Variants in OPALIN observed in about 807,000 individuals in gnomAD.
OPALIN encodes oligodendrocytic myelin paranodal and inner loop protein.
A neutral mutation model predicts 17.8 loss-of-function variants in OPALIN; 15 were observed. That is an observed-to-expected ratio of 0.84 (90% CI 0.56 to 1.29). The LOEUF (loss-of-function observed/expected upper bound fraction) is 1.29. Among genes scored for constraint, OPALIN ranks in the 50% most tolerant of loss-of-function variants. The pLI, the probability that OPALIN is intolerant of heterozygous loss-of-function variation, is 0.00. For synonymous variants in OPALIN, 62 were observed against 63.8 expected (o/e 0.97, Z 0.14); for missense variants, 170 against 176.0 (o/e 0.97, Z 0.19).
intron 3 of OPALIN, among the ~76,000 whole-genome samples, chr10:96,351,131 T>C (rs977441479): frequency 1.3e-5 from 2 of 152,202 alleles, no homozygotes; most frequent in Admixed American, 1.3e-4. Context: ...TTCAGCATAA[T>C]ATAGATGCAA....
At chr10:96,354,611 A>T (rs182978514) in intron 2 of OPALIN, among the ~76,000 whole-genome samples, 2 of 152,318 alleles carry the variant, frequency 1.3e-5, no homozygotes, top group East Asian at 3.9e-4. Flanking sequence ...TACAAAGGCA[A>T]CAAAAGTCAA....
chr10:96,345,901 T>C lies in OPALIN; in HGVS notation c.*40A>G, dbSNP rs1845292864. On this transcript the variant is annotated 3_prime_UTR_variant, in exon 6 of 6. Coordinates refer to ENST00000371172, the MANE Select transcript of OPALIN (RefSeq NM_033207.5). ...GTACAAAACCCTGGGTTTTCAACCCTGTTCCAGTGCCAGGTCTGCTGCTCC... is the reference window on the plus strand; with the variant it reads ...GTACAAAACCCTGGGTTTTCAACCCCGTTCCAGTGCCAGGTCTGCTGCTCC... 1 of 1,600,490 alleles carries C rather than the reference T, an allele frequency of 6.2e-7. No homozygotes were observed. The highest frequency in any genetic ancestry group is 1.1e-5 in the South Asian group (1 of 89,270).
chr10:96,350,546 T>A (rs1010814026), intron 3 of OPALIN, among the ~76,000 whole-genome samples: 53 of 152,312 alleles, frequency 3.5e-4, no homozygotes, highest in African/African-American at 1.1e-3. Flanking sequence ...ATTAAAAAAA[T>A]TTATTTGCAC....
chr10:96,346,428 T>G (rs995145628), intron 5 of OPALIN, among the ~76,000 whole-genome samples: 3 of 152,222 alleles, frequency 2.0e-5, no homozygotes, highest in Non-Finnish European at 2.9e-5. Flanking sequence ...GTTAATCTAT[T>G]TGTGTATTTA....
intron 1 of OPALIN, among the ~76,000 whole-genome samples, chr10:96,355,919 T>C (rs1452877088): frequency 6.6e-6 from 1 of 152,206 alleles, no homozygotes; most frequent in Non-Finnish European, 1.5e-5. Flanking sequence ...GGAGTCCAAA[T>C]TTAAAGATCG....
At chr10:96,353,336 G>C (rs1024973191) in intron 2 of OPALIN, 1 of 1,575,512 alleles carries the variant, frequency 6.3e-7, no homozygotes, top group African/African-American at 1.3e-5. Context: ...AGGGATCCAG[G>C]TGCCCACCTC....
At chr10:96,353,256 C>T (rs1698259037) in intron 2 of OPALIN, among the ~76,000 whole-genome samples, 1 of 152,212 alleles carries the variant, frequency 6.6e-6, no homozygotes, top group Non-Finnish European at 1.5e-5. Flanking sequence ...GACAAATAGA[C>T]TGAACCTGGC....
chr10:96,353,670 G>C (rs1236191524), intron 2 of OPALIN, among the ~76,000 whole-genome samples: 1 of 152,148 alleles, frequency 6.6e-6, no homozygotes, highest in Non-Finnish European at 1.5e-5. Context: ...ATGGCTTCTT[G>C]CTTCTCTGCA....
At chr10:96,353,565 G>C in intron 2 of OPALIN, 2 of 807,768 alleles carry the variant, frequency 2.5e-6, no homozygotes, top group Non-Finnish European at 4.4e-6. Flanking sequence ...ACAGTTCTCA[G>C]AGAAATGAGC....
At chr10:96,355,437 C>G in intron 1 of OPALIN, 147 bp from the exon 2 acceptor site, 1 of 642,246 alleles carries the variant, frequency 1.6e-6, no homozygotes, top group Non-Finnish European at 2.7e-6. Flanking sequence ...ACAGTCTTGG[C>G]CCCAAAAGAA....
chr10:96,357,261 T>C, intron 1 of OPALIN: 2 of 593,194 alleles, frequency 3.4e-6, no homozygotes, highest in Non-Finnish European at 4.2e-6. Flanking sequence ...GAAGAGGGGG[T>C]GCAGCAACAA....
At chr10:96,351,450 G>A in intron 2 of OPALIN, 40 bp from the exon 3 acceptor site, 2 of 1,357,590 alleles carry the variant, frequency 1.5e-6, no homozygotes, top group Non-Finnish European at 2.0e-6. Context: ...AGAACAAAAA[G>A]TCTATAGAAT....
At chr10:96,349,935 C>T (rs1195075422) in intron 3 of OPALIN, 109 bp from the exon 4 acceptor site, 9 of 1,181,980 alleles carry the variant, frequency 7.6e-6, no homozygotes, top group African/African-American at 1.5e-5. Context: ...GGATCATAAA[C>T]GTCATATACA....
intron 5 of OPALIN, among the ~76,000 whole-genome samples, chr10:96,346,625 T>A (rs938082794): frequency 3.9e-5 from 6 of 152,216 alleles, no homozygotes; most frequent in Non-Finnish European, 8.8e-5. Context: ...TGTGTCTTTT[T>A]AACTCTTTTT....
chr10:96,355,958 C>T (rs1167608486), intron 1 of OPALIN, among the ~76,000 whole-genome samples: 2 of 152,238 alleles, frequency 1.3e-5, no homozygotes, highest in Non-Finnish European at 2.9e-5. Flanking sequence ...AAGTAGCCTG[C>T]CCAGGGCCTC....
chr10:96,353,441 A>G, intron 2 of OPALIN: 1 of 1,613,370 alleles, frequency 6.2e-7, no homozygotes, highest in South Asian at 1.1e-5. Flanking sequence ...AGGCAGGATG[A>G]CCTACCATCC....
intron 5 of OPALIN, among the ~76,000 whole-genome samples, chr10:96,346,550 A>T (rs1239128096): frequency 6.6e-6 from 1 of 152,136 alleles, no homozygotes; most frequent in African/African-American, 2.4e-5. Flanking sequence ...TAATGTGATC[A>T]TTGATATGGT....
intron 2 of OPALIN, among the ~76,000 whole-genome samples, chr10:96,353,879 GA>G (rs1391787015): frequency 1.3e-5 from 2 of 152,198 alleles, no homozygotes; most frequent in Non-Finnish European, 2.9e-5. Context: ...GGGAGGTTCA[GA>G]AGTGCCCCCC....
At chr10:96,357,740 C>A (rs1472355845) in intron 1 of OPALIN, among the ~76,000 whole-genome samples, 1 of 152,110 alleles carries the variant, frequency 6.6e-6, no homozygotes, top group African/African-American at 2.4e-5. Flanking sequence ...TTCTTTATGG[C>A]CTGGCCAGCA....
Sources: gnomAD v4.1 joint callset for allele counts (sites outside exome capture counted in the v4.1 genomes callset) on GRCh38, gnomAD v4.1.1 for gene constraint, MANE v1.5 for transcripts, NCBI Gene and HGNC (gene_info 2026-07-23, HGNC 2026-07-21) for gene names.